Variants in KCTD16 observed in about 807,000 individuals in gnomAD.
KCTD16 encodes the protein BTB/POZ domain-containing protein KCTD16.
In KCTD16, 13 loss-of-function variants were observed where a neutral mutation model predicts 33.2. That is an observed-to-expected ratio of 0.39 (90% confidence interval 0.25 to 0.62). KCTD16 has a LOEUF of 0.62. Ranked by LOEUF, KCTD16 falls within the 20% of genes least tolerant of loss-of-function variation. The pLI, the probability that KCTD16 is intolerant of heterozygous loss-of-function variation, is 0.50. For synonymous variants in KCTD16, 197 were observed against 195.3 expected, an observed-to-expected ratio of 1.01 and a Z score of -0.07; for missense variants, 441 against 525.1, an observed-to-expected ratio of 0.84 and a Z score of 1.57.
intron 3 of KCTD16, among the ~76,000 whole-genome samples, chr5:144,277,177 A>G (rs1561550967): frequency 6.6e-6 from 1 of 152,216 alleles, no homozygotes; most frequent in Non-Finnish European, 1.5e-5. Context: ...GTAGGGCAGA[A>G]ATAACAATTT....
intron 3 of KCTD16, among the ~76,000 whole-genome samples, chr5:144,465,238 A>T: frequency 7.8e-6 from 1 of 128,088 alleles, no homozygotes; most frequent in Non-Finnish European, 1.6e-5. Flanking sequence ...GCCTTTCTGG[A>T]CATTAGGCAT....
At chr5:144,222,685 C>T (rs1753797937) in intron 3 of KCTD16, among the ~76,000 whole-genome samples, 2 of 152,218 alleles carry the variant, frequency 1.3e-5, no homozygotes, top group South Asian at 4.1e-4. Flanking sequence ...CACTTTTACA[C>T]TGTTGGTGGG....
chr5:144,198,745 C>T (rs1260762764), intron 2 of KCTD16, among the ~76,000 whole-genome samples: 1 of 152,114 alleles, frequency 6.6e-6, no homozygotes, highest in Middle Eastern at 3.2e-3. Flanking sequence ...AAGTTAGAAG[C>T]CCTGTTTTTA....
At chr5:144,255,975 A>G (rs1754834386) in intron 3 of KCTD16, among the ~76,000 whole-genome samples, 1 of 152,230 alleles carries the variant, frequency 6.6e-6, no homozygotes, top group Non-Finnish European at 1.5e-5. Context: ...CCTGGAGCAT[A>G]CTGAGTCACT....
At position 144,467,268 on chromosome 5, in the gene KCTD16, T is replaced by A. The variant is rs1337085412; in HGVS notation, c.833-6392T>A. On this transcript the variant is annotated intron_variant, in intron 3 of 3. Coordinates refer to ENST00000512467, the MANE Select transcript of KCTD16 (RefSeq NM_020768.4). ...ATTTTCCATTCTAATGTCTTTTGCATGTCAGAATTTTCAATCCATTTTTCT... is the reference window on the plus strand; with the variant it reads ...ATTTTCCATTCTAATGTCTTTTGCAAGTCAGAATTTTCAATCCATTTTTCT... 2.6e-5 allele frequency among the ~76,000 whole-genome samples: 4 copies of A among 151,762 alleles called. No individual in the cohort carries two copies. In the South Asian group the frequency reaches 8.3e-4, roughly 31 times the overall value.
chr5:144,372,580 T>C (rs1751993632), intron 3 of KCTD16, among the ~76,000 whole-genome samples: 1 of 152,170 alleles, frequency 6.6e-6, no homozygotes, highest in African/African-American at 2.4e-5. Flanking sequence ...AGAAGCCTGA[T>C]TCAGCCAAGT....
chr5:144,267,978 C>A (rs1755192586), intron 3 of KCTD16, among the ~76,000 whole-genome samples: 1 of 152,258 alleles, frequency 6.6e-6, no homozygotes, highest in East Asian at 1.9e-4. Flanking sequence ...ATCGCCCCAC[C>A]TAAACAGTAA....
intron 3 of KCTD16, among the ~76,000 whole-genome samples, chr5:144,421,571 C>T (rs1229468291): frequency 2.0e-5 from 3 of 152,106 alleles, no homozygotes; most frequent in Admixed American, 2.0e-4. Flanking sequence ...GAGAGTGACT[C>T]AGTGCTGAAG....
intron 3 of KCTD16, among the ~76,000 whole-genome samples, chr5:144,402,395 G>C (rs369102335): frequency 1.3e-5 from 2 of 152,078 alleles, no homozygotes; most frequent in African/African-American, 4.8e-5. Flanking sequence ...TGCACCCTTC[G>C]TAGGCCAGGC....
chr5:144,351,733 G>T (rs759902635), intron 3 of KCTD16, among the ~76,000 whole-genome samples: 1 of 152,100 alleles, frequency 6.6e-6, no homozygotes, highest in Non-Finnish European at 1.5e-5. Context: ...TAATAAGAAA[G>T]AAATCCTGTC....
chr5:144,297,165 C>T (rs1561557514), intron 3 of KCTD16, among the ~76,000 whole-genome samples: 2 of 152,202 alleles, frequency 1.3e-5, no homozygotes, highest in East Asian at 1.9e-4. Context: ...TTCTTTTACA[C>T]GTTTGAGTTT....
intron 2 of KCTD16, among the ~76,000 whole-genome samples, chr5:144,184,368 G>A (rs967187563): frequency 2.6e-5 from 4 of 151,964 alleles, no homozygotes; most frequent in East Asian, 3.9e-4. Flanking sequence ...CTCAAGGTTC[G>A]TCCATGTTAA....
chr5:144,257,233 C>T (rs945981569), intron 3 of KCTD16, among the ~76,000 whole-genome samples: 1 of 152,110 alleles, frequency 6.6e-6, no homozygotes, highest in Non-Finnish European at 1.5e-5. Context: ...CATTTTTATT[C>T]TAGAACACTC....
At chr5:144,221,573 C>T (rs60321540) in intron 3 of KCTD16, among the ~76,000 whole-genome samples, 14,221 of 152,124 alleles carry the variant, frequency 0.093, 917 homozygotes, top group East Asian at 0.35. Context: ...CAGCTTCATC[C>T]GTGTCCCTGC....
chr5:144,328,512 T>C (rs552394779), intron 3 of KCTD16, among the ~76,000 whole-genome samples: 1 of 149,072 alleles, frequency 6.7e-6, no homozygotes, highest in African/African-American at 2.6e-5. Context: ...CTTTTTTTTT[T>C]ATTTTTTTTA....
chr5:144,368,423 C>T (rs1018570804), intron 3 of KCTD16, among the ~76,000 whole-genome samples: 2 of 151,968 alleles, frequency 1.3e-5, no homozygotes, highest in African/African-American at 4.8e-5. Flanking sequence ...TGGAGAGAGA[C>T]ATGGGAAAAG....
intron 3 of KCTD16, among the ~76,000 whole-genome samples, chr5:144,363,283 A>G (rs1751757453): frequency 6.6e-6 from 1 of 152,184 alleles, no homozygotes; most frequent in Non-Finnish European, 1.5e-5. Flanking sequence ...TAGAGGCTGC[A>G]GTGAGCCAAG....
chr5:144,359,855 C>T (rs972328135), intron 3 of KCTD16, among the ~76,000 whole-genome samples: 2 of 151,962 alleles, frequency 1.3e-5, no homozygotes, highest in Non-Finnish European at 2.9e-5. Context: ...GGATGTGCCC[C>T]TCCGAAAACT....
At chr5:144,432,796 A>G (rs745837983) in intron 3 of KCTD16, among the ~76,000 whole-genome samples, 3 of 152,040 alleles carry the variant, frequency 2.0e-5, no homozygotes, top group African/African-American at 4.8e-5. Flanking sequence ...TTTTTTATTT[A>G]CAGCTTTTTA....
Sources: gnomAD v4.1 joint callset for allele counts (sites outside exome capture counted in the v4.1 genomes callset) on GRCh38, gnomAD v4.1.1 for gene constraint, MANE v1.5 for transcripts, NCBI Gene and HGNC (gene_info 2026-07-23, HGNC 2026-07-21) for gene names.